SRGAP3: variants seen among roughly 807,000 people sequenced by gnomAD.
SRGAP3 encodes SLIT-ROBO Rho GTPase-activating protein 3.
Under a neutral mutation model 121.1 loss-of-function variants are expected in SRGAP3, and 39 were observed. The observed-to-expected ratio is 0.32, with a 90% CI of 0.25 to 0.42. The LOEUF is 0.42. SRGAP3 is among the 10% of genes least tolerant of loss of function. The pLI, the probability that SRGAP3 is intolerant of heterozygous loss-of-function variation, is 1.00. For missense variants in SRGAP3, 1,213 were observed against 1,470.6 expected, an observed-to-expected ratio of 0.82 and a Z score of 2.86; for synonymous variants, 601 against 570.0, an observed-to-expected ratio of 1.05 and a Z score of -0.77.
intron 21 of SRGAP3, 104 bp from the exon 22 acceptor site, chr3:8,986,036 T>G: frequency 6.4e-7 from 1 of 1,569,592 alleles, no homozygotes; most frequent in Non-Finnish European, 8.6e-7. Flanking sequence ...CCCAGAAGCC[T>G]CGCGGCAGGG....
chr3:9,151,456 G>C (rs1205181615), intron 1 of SRGAP3, among the ~76,000 whole-genome samples: 1 of 152,220 alleles, frequency 6.6e-6, no homozygotes, highest in Non-Finnish European at 1.5e-5. Flanking sequence ...TGAAGACAAT[G>C]ATGAGTCAGA....
At chr3:9,295,248 G>A (rs1954933102) in intron 3 of SRGAP3, among the ~76,000 whole-genome samples, 1 of 152,220 alleles carries the variant, frequency 6.6e-6, no homozygotes, top group African/African-American at 2.4e-5. Flanking sequence ...ACTTAGGACT[G>A]TAGTACAAGA....
intron 1 of SRGAP3, among the ~76,000 whole-genome samples, chr3:9,158,775 T>C (rs35735376): frequency 0.22 from 33,665 of 152,130 alleles, 4,339 homozygotes; most frequent in Admixed American, 0.31. Flanking sequence ...GTCTCTCCTG[T>C]GGGACTCAAC....
intron 3 of SRGAP3, among the ~76,000 whole-genome samples, chr3:9,096,465 T>C (rs1416246958): frequency 6.6e-6 from 1 of 152,244 alleles, no homozygotes; most frequent in East Asian, 1.9e-4. Flanking sequence ...AGCAGCCATC[T>C]TGCTGAACTC....
intron 3 of SRGAP3, among the ~76,000 whole-genome samples, chr3:9,089,505 G>A (rs1369804385): frequency 6.6e-6 from 1 of 152,166 alleles, no homozygotes; most frequent in African/African-American, 2.4e-5. Context: ...TAATGGAGAT[G>A]AGTCCAGACC....
At chr3:9,120,319 G>A (rs886590522) in intron 2 of SRGAP3, among the ~76,000 whole-genome samples, 1 of 152,232 alleles carries the variant, frequency 6.6e-6, no homozygotes, top group East Asian at 1.9e-4. Context: ...AGTGCTGCAG[G>A]CTGATGGCAC....
At chr3:9,149,308 A>T (rs965963825) in intron 1 of SRGAP3, among the ~76,000 whole-genome samples, 1 of 151,986 alleles carries the variant, frequency 6.6e-6, no homozygotes, top group East Asian at 1.9e-4. Flanking sequence ...GTTAGTTGAG[A>T]GCTGGCCAAG....
chr3:9,099,720 C>T (rs1430732884), intron 3 of SRGAP3, among the ~76,000 whole-genome samples: 4 of 152,210 alleles, frequency 2.6e-5, no homozygotes, highest in South Asian at 2.1e-4. Context: ...GCTAGAAATG[C>T]AGGTTCTCAG....
rs564810197 is a variant in SRGAP3 at position 9,063,088 on chromosome 3, A to G, written c.672+1308T>C. Among the ~76,000 whole-genome samples the G allele has an allele frequency of 6.2e-5, 7 of 112,002 alleles. No homozygotes were observed. In the East Asian group the frequency reaches 2.3e-3, roughly 37 times the overall value. 73.5% of individuals were successfully genotyped at this position (112,002 alleles called of 152,430 possible). On this transcript the variant is annotated intron_variant, in intron 5 of 21. Coordinates refer to ENST00000383836, the MANE Select transcript of SRGAP3 (RefSeq NM_014850.4). ...ATGAAGTGATAGTTCACTGAGTTTG[A>G]TTTGCATTTCTTTAATCACTAATAA...
intron 1 of SRGAP3, among the ~76,000 whole-genome samples, chr3:9,334,916 A>G (rs1302599638): frequency 6.6e-6 from 1 of 152,180 alleles, no homozygotes; most frequent in Non-Finnish European, 1.5e-5. Flanking sequence ...GGGTGTGGAA[A>G]AGGCTTTGAA....
chr3:9,139,757 A>G (rs1949784830), intron 1 of SRGAP3, among the ~76,000 whole-genome samples: 1 of 152,258 alleles, frequency 6.6e-6, no homozygotes, highest in African/African-American at 2.4e-5. Flanking sequence ...TACAGAGTAC[A>G]GTCTAAAGCT....
At chr3:9,117,488 T>C (rs1224820385) in intron 2 of SRGAP3, among the ~76,000 whole-genome samples, 2 of 152,240 alleles carry the variant, frequency 1.3e-5, no homozygotes, top group Admixed American at 1.3e-4. Context: ...ATTCCCTAAC[T>C]AGCCAAGTGC....
intron 3 of SRGAP3, among the ~76,000 whole-genome samples, chr3:9,275,248 C>G (rs1286062610): frequency 6.6e-6 from 1 of 152,184 alleles, no homozygotes; most frequent in African/African-American, 2.4e-5. Context: ...TCTCTGCCAG[C>G]TACTTTGTTT....
At chr3:9,319,259 A>G (rs1955401302) in intron 3 of SRGAP3, among the ~76,000 whole-genome samples, 1 of 151,948 alleles carries the variant, frequency 6.6e-6, no homozygotes, top group African/African-American at 2.4e-5. Flanking sequence ...TTCTGAATTC[A>G]AGGCTCATTC....
chr3:9,016,005 G>T (rs145614912), intron 14 of SRGAP3: 1 of 481,014 alleles, frequency 2.1e-6, no homozygotes, highest in Non-Finnish European at 3.8e-6. Flanking sequence ...TTGATTTCTC[G>T]CTCTTTCTGT....
At chr3:9,082,497 T>G (rs565300947) in intron 3 of SRGAP3, among the ~76,000 whole-genome samples, 1 of 152,362 alleles carries the variant, frequency 6.6e-6, no homozygotes, top group South Asian at 2.1e-4. Context: ...TCCCAGCCTC[T>G]AGAACTGTGA....
intron 3 of SRGAP3, chr3:9,292,981 C>G (rs1263913636): frequency 6.7e-6 from 1 of 150,124 alleles, no homozygotes; most frequent in Non-Finnish European, 1.5e-5. Context: ...TGTACAGTAC[C>G]TTGCTCAGGG....
At chr3:9,215,098 T>C (rs547392308) in intron 1 of SRGAP3, among the ~76,000 whole-genome samples, 1 of 152,350 alleles carries the variant, frequency 6.6e-6, no homozygotes, top group South Asian at 2.1e-4. Context: ...ACTGTGTGTC[T>C]ATTTTACATA....
intron 3 of SRGAP3, chr3:9,081,319 C>T: frequency 2.2e-6 from 1 of 456,132 alleles, no homozygotes; most frequent in Non-Finnish European, 4.4e-6. Flanking sequence ...CAATGAGGAA[C>T]AGGAGAAGTA....
Sources: gnomAD v4.1 joint callset for allele counts (sites outside exome capture counted in the v4.1 genomes callset) on GRCh38, gnomAD v4.1.1 for gene constraint, MANE v1.5 for transcripts, NCBI Gene and HGNC (gene_info 2026-07-23, HGNC 2026-07-21) for gene names.